Variants in ABCA1 observed in about 807,000 individuals in gnomAD.
ABCA1 encodes the protein ATP binding cassette subfamily A member 1, also known as phospholipid-transporting ATPase ABCA1.
In ABCA1, 133 loss-of-function variants were observed where a neutral mutation model predicts 262.5. The ratio of observed to expected loss-of-function variants is 0.51; its 90% confidence interval spans 0.44 to 0.59. The LOEUF is 0.59. ABCA1 is among the 20% of genes least tolerant of loss of function. ABCA1 has a pLI of 0.00. For missense variants in ABCA1, 2,452 were observed against 2,777.5 expected (o/e 0.88, Z 2.63); for synonymous variants, 1,022 against 1,043.5 (o/e 0.98, Z 0.40).
At chr9:104,849,857 A>G (rs934371166) in intron 7 of ABCA1, among the ~76,000 whole-genome samples, 1 of 152,252 alleles carries the variant, frequency 6.6e-6, no homozygotes, top group South Asian at 2.1e-4. Context: ...TCTCAAGAAC[A>G]TAATTCCAAA....
chr9:104,803,253 A>G (rs767224382), intron 33 of ABCA1, 31 bp downstream of exon 33: 5 of 1,612,682 alleles, frequency 3.1e-6, no homozygotes, highest in Non-Finnish European at 4.2e-6. Context: ...CCTCCCCCTG[A>G]GCTAAACGTG....
At position 104,903,667 on chromosome 9, in the gene ABCA1, G is replaced by T; in HGVS notation, c.13C>A (p.Pro5Thr). The change falls in exon 2 of 50, where the codon CCT (proline) becomes ACT (threonine). Residue 5 changes from proline (P) to threonine (T), a missense_variant. Coordinates refer to ENST00000374736, the MANE Select transcript of ABCA1 (RefSeq NM_005502.4). The stretch of plus-strand genomic sequence containing the variant: ...TTCCACAGCAGCAACCTCAGCTGAG[G>T]CCAACAAGCCATGTTCCCTCAGCCA... The part of the protein sequence containing the change: MACW[P>T]QLRLLLWKNL... The T allele has an allele frequency of 6.3e-7, 1 of 1,580,810 alleles. No homozygotes were observed.
intron 5 of ABCA1, among the ~76,000 whole-genome samples, chr9:104,862,731 A>ACC (rs1836739829): frequency 5.2e-5 from 1 of 19,274 alleles, no homozygotes; most frequent in African/African-American, 2.1e-4. Context: ...CCCCACCCCC[A>ACC]CCCCCACCCC....
chr9:104,824,722 T>C, intron 17 of ABCA1, 144 bp from the exon 18 acceptor site: 1 of 1,058,150 alleles, frequency 9.5e-7, no homozygotes, highest in Non-Finnish European at 1.4e-6. Flanking sequence ...GAGCTAACAT[T>C]TGCTGAAACC....
intron 1 of ABCA1, among the ~76,000 whole-genome samples, chr9:104,919,967 T>TA (rs1299084507): frequency 6.6e-6 from 1 of 152,226 alleles, no homozygotes; most frequent in Non-Finnish European, 1.5e-5. Context: ...CATGGTATGT[T>TA]ACACTAATGC....
intron 5 of ABCA1, among the ~76,000 whole-genome samples, chr9:104,874,952 G>A (rs1838010975): frequency 6.6e-6 from 1 of 151,912 alleles, no homozygotes. Context: ...GGGAAGTGAG[G>A]AGCCCCTCTA....
At chr9:104,831,197 A>G (rs1306323254) in intron 13 of ABCA1, 96 bp from the exon 14 acceptor site, 12 of 1,098,270 alleles carry the variant, frequency 1.1e-5, no homozygotes, top group East Asian at 3.0e-5. Context: ...TACCCTTACC[A>G]AGCCCCTTTT....
chr9:104,793,020 G>T, intron 41 of ABCA1, 114 bp from the exon 42 acceptor site: 1 of 1,588,848 alleles, frequency 6.3e-7, no homozygotes, highest in Non-Finnish European at 8.6e-7. Flanking sequence ...GATGGGCAGG[G>T]AGGGGGCTGC....
chr9:104,801,540 T>G (rs1183136585), intron 34 of ABCA1, among the ~76,000 whole-genome samples: 1 of 151,340 alleles, frequency 6.6e-6, no homozygotes, highest in Admixed American at 6.6e-5. Flanking sequence ...TTTAAATCTC[T>G]GGATTTAATT....
At chr9:104,842,030 C>G (rs1834422500) in intron 8 of ABCA1, among the ~76,000 whole-genome samples, 3 of 152,342 alleles carry the variant, frequency 2.0e-5, no homozygotes, top group East Asian at 1.9e-4. Context: ...GCCCTGCACC[C>G]AGCCTGGAAA....
intron 2 of ABCA1, among the ~76,000 whole-genome samples, chr9:104,891,498 A>G: frequency 6.6e-6 from 1 of 152,134 alleles, no homozygotes; most frequent in Admixed American, 6.5e-5. Flanking sequence ...TGGGAGGCCA[A>G]GGCAAGAGAA....
intron 1 of ABCA1, among the ~76,000 whole-genome samples, chr9:104,920,843 G>A (rs7049195): frequency 0.15 from 22,259 of 152,094 alleles, 2,453 homozygotes; most frequent in African/African-American, 0.31. Context: ...GAAAACACTC[G>A]TATGAATAAA....
At position 104,827,007 on chromosome 9, in the gene ABCA1, G is replaced by A; in HGVS notation, c.2278C>T (p.Pro760Ser). 6.2e-7 allele frequency: 1 copy of A among 1,614,214 alleles called. No homozygotes were observed. The highest frequency in any genetic ancestry group is 8.5e-7 in the Non-Finnish European group (1 of 1,180,036). The part of the protein sequence containing the change: ...GGIIYFTLYL[P>S]YVLCVAWQDY... ...TGCCATGCCACACACAGGACGTAGG[G>A]CAGGTACAGCGTGAAGTAGATGATG... is the stretch of plus-strand genomic sequence containing the variant. Residue 760 changes from proline to serine, a missense_variant, in exon 16 of 50, where the codon CCC (proline) becomes TCC (serine). Physicochemically the swap from Pro to Ser is moderately conservative, Grantham distance 74. Coordinates refer to ENST00000374736, the MANE Select transcript of ABCA1 (RefSeq NM_005502.4).
rs756278529 is a variant in ABCA1, at chr9:104,884,524, A to C, written c.205T>G (p.Trp69Gly). ...GCATTACAGATAATCCCCTGAACCC[A>C]AGGAAGTGTTCCTGCAGAGGGCATG... The part of the protein sequence containing the change: ...KAMPSAGTLP[W>G]VQGIICNANN... The change falls in exon 4 of 50, where the codon TGG (tryptophan) becomes GGG (glycine). Residue 69 changes from tryptophan (W) to glycine (G), a missense_variant. Coordinates refer to ENST00000374736, the MANE Select transcript of ABCA1 (RefSeq NM_005502.4). The C allele has an allele frequency of 1.9e-6, 3 of 1,614,206 alleles. No individual in the cohort carries two copies. Among genetic ancestry groups the C allele is most frequent in the Non-Finnish European group, 2.5e-6 (3 of 1,180,018 alleles).
At chr9:104,809,101 C>G (rs1658887383) in intron 30 of ABCA1, among the ~76,000 whole-genome samples, 2 of 152,104 alleles carry the variant, frequency 1.3e-5, no homozygotes, top group South Asian at 4.1e-4. Flanking sequence ...TAAGCAAAAC[C>G]TAAAAATCAT....
intron 1 of ABCA1, among the ~76,000 whole-genome samples, chr9:104,917,269 T>TA (rs1315975070): frequency 6.6e-6 from 1 of 152,138 alleles, no homozygotes; most frequent in African/African-American, 2.4e-5. Context: ...TCATCTGAAA[T>TA]ATGGGGCTAA....
chr9:104,837,107 G>A lies in ABCA1; in HGVS notation c.1195-11C>T, dbSNP rs1833885705. The A allele has an allele frequency of 1.9e-6, 3 of 1,605,904 alleles. No homozygotes were observed. Among genetic ancestry groups the A allele is most frequent in the African/African-American group, 1.3e-5 (1 of 74,742 alleles). On this transcript the variant is annotated splice_polypyrimidine_tract_variant and intron_variant, in intron 10 of 49. Transcript: ENST00000374736. ...GAAGGTCTTGTTCACCTGGAGTCAG[G>A]TGGGGAGCCAGGGACCGCAGAAAAA...
chr9:104,925,774 T>C (rs904973016), intron 1 of ABCA1, among the ~76,000 whole-genome samples: 1 of 152,210 alleles, frequency 6.6e-6, no homozygotes, highest in Non-Finnish European at 1.5e-5. Flanking sequence ...GTAATATCTG[T>C]AGAGGTTCTA....
intron 10 of ABCA1, 43 bp downstream of exon 10, chr9:104,837,385 G>T: frequency 6.2e-7 from 1 of 1,613,290 alleles, no homozygotes; most frequent in South Asian, 1.1e-5. Context: ...CCCCAGTTCT[G>T]GGGAGATTCT....
Sources: allele counts gnomAD v4.1 joint callset (sites outside exome capture counted in the v4.1 genomes callset), GRCh38; gene constraint gnomAD v4.1.1; transcripts MANE v1.5; gene names NCBI Gene and HGNC (gene_info 2026-07-23, HGNC 2026-07-21).